TEX9: variants seen among roughly 807,000 people sequenced by gnomAD.
TEX9 encodes the protein testis expressed 9.
In TEX9, 74 loss-of-function variants were observed where a neutral mutation model predicts 59.6. The ratio of observed to expected loss-of-function variants is 1.24; its 90% CI spans 1.03 to 1.51. The LOEUF is 1.51. TEX9 is among the 40% of genes most tolerant of loss of function. The pLI is 0.00. For synonymous variants in TEX9, 186 were observed against 152.2 expected (o/e 1.22, Z -1.64); for missense variants, 522 against 447.8 (o/e 1.17, Z -1.49).
chr15:56,267,974 T>C (rs530598664), intron 1 of TEX9, among the ~76,000 whole-genome samples: 2 of 152,354 alleles, frequency 1.3e-5, no homozygotes, highest in African/African-American at 4.8e-5. Flanking sequence ...GAAATGTTCT[T>C]CCATTTGTTT....
intron 7 of TEX9, among the ~76,000 whole-genome samples, chr15:56,392,651 G>A (rs1184686927): frequency 6.8e-6 from 1 of 146,168 alleles, no homozygotes; most frequent in Non-Finnish European, 1.5e-5. Context: ...TAATTATTGT[G>A]TTACTAATCA....
At chr15:56,421,222 G>A (rs546786741) in intron 10 of TEX9, among the ~76,000 whole-genome samples, 1 of 151,912 alleles carries the variant, frequency 6.6e-6, no homozygotes, top group Non-Finnish European at 1.5e-5. Context: ...TTGAGACTTG[G>A]TTATTAGCTA....
At chr15:56,283,453 A>C (rs1438247938) in intron 1 of TEX9, among the ~76,000 whole-genome samples, 1 of 152,182 alleles carries the variant, frequency 6.6e-6, no homozygotes, top group Non-Finnish European at 1.5e-5. Flanking sequence ...TCCTGAAATA[A>C]ATTTGAATAT....
At chr15:56,408,329 A>G (rs2140109026) in intron 9 of TEX9, among the ~76,000 whole-genome samples, 1 of 152,306 alleles carries the variant, frequency 6.6e-6, no homozygotes, top group East Asian at 1.9e-4. Flanking sequence ...TCTCAGCAAT[A>G]TTTGAAATAG....
chr15:56,443,017 C>T (rs1178028520), intron 12 of TEX9, among the ~76,000 whole-genome samples: 2 of 152,164 alleles, frequency 1.3e-5, no homozygotes, highest in East Asian at 1.9e-4. Flanking sequence ...TAGGTTCACA[C>T]GCCTTTAGGA....
intron 1 of TEX9, among the ~76,000 whole-genome samples, chr15:56,291,267 A>G (rs543323858): frequency 2.1e-4 from 32 of 152,326 alleles, no homozygotes; most frequent in African/African-American, 7.7e-4. Context: ...ATTGACCTTC[A>G]TTATGACCAT....
exon 7 of TEX9, chr15:56,391,321 A>G: frequency 3.7e-6 from 6 of 1,606,394 alleles, no homozygotes; most frequent in Non-Finnish European, 5.1e-6. Context: ...TTTCCCTTGC[A>G]AAAACAATTA....
intron 1 of TEX9, among the ~76,000 whole-genome samples, chr15:56,286,547 C>T (rs1453647848): frequency 6.6e-6 from 1 of 152,156 alleles, no homozygotes; most frequent in Non-Finnish European, 1.5e-5. Context: ...CAGCAGAGCA[C>T]ATCTAGAATT....
intron 3 of TEX9, among the ~76,000 whole-genome samples, chr15:56,377,437 G>A (rs1426056795): frequency 6.6e-6 from 1 of 152,026 alleles, no homozygotes; most frequent in Admixed American, 6.6e-5. Context: ...TTGCATTGAT[G>A]TTTTATAGTT....
chr15:56,252,176 A>G (rs1039927674), intron 1 of TEX9, among the ~76,000 whole-genome samples: 3 of 152,014 alleles, frequency 2.0e-5, no homozygotes, highest in Non-Finnish European at 4.4e-5. Context: ...GCCTTATGTC[A>G]TACTATCTCA....
At chr15:56,276,112 G>A (rs749729939) in intron 1 of TEX9, among the ~76,000 whole-genome samples, 1 of 151,092 alleles carries the variant, frequency 6.6e-6, no homozygotes, top group South Asian at 2.1e-4. Context: ...TCTTGGGTGT[G>A]GTCTCCTTTG....
chr15:56,455,748 G>A, the TEX9 span, among the ~76,000 whole-genome samples: 1 of 151,994 alleles, frequency 6.6e-6, no homozygotes, highest in Non-Finnish European at 1.5e-5. Context: ...GGAAGTATGG[G>A]GGCAATTAAG....
At chr15:56,452,484 T>C in the TEX9 span, among the ~76,000 whole-genome samples, 1 of 151,966 alleles carries the variant, frequency 6.6e-6, no homozygotes, top group Non-Finnish European at 1.5e-5. Flanking sequence ...AGAAAATGGG[T>C]ATTCAGTATA....
intron 3 of TEX9, among the ~76,000 whole-genome samples, chr15:56,382,282 A>C (rs528209419): frequency 3.9e-5 from 6 of 152,280 alleles, no homozygotes; most frequent in African/African-American, 1.4e-4. Context: ...GCCCTGGGCA[A>C]GTCTAGAAAT....
At chr15:56,299,823 C>T (rs8025459) in intron 1 of TEX9, among the ~76,000 whole-genome samples, 1 of 152,016 alleles carries the variant, frequency 6.6e-6, no homozygotes, top group African/African-American at 2.4e-5. Flanking sequence ...AAGGAAAGGA[C>T]CCAGTTCTGG....
intron 1 of TEX9, among the ~76,000 whole-genome samples, chr15:56,344,213 A>C (rs190146473): frequency 6.6e-6 from 1 of 152,344 alleles, no homozygotes. Flanking sequence ...TAAAGCTTGC[A>C]CATGAATGTT....
chr15:56,426,842 T>G (rs1401232696), intron 10 of TEX9, among the ~76,000 whole-genome samples: 1 of 151,638 alleles, frequency 6.6e-6, no homozygotes, highest in African/African-American at 2.4e-5. Context: ...TTGCCCAAAT[T>G]GCTAAAGAGC....
chr15:56,441,594 A>C (rs1300068269), intron 12 of TEX9, among the ~76,000 whole-genome samples: 1 of 152,238 alleles, frequency 6.6e-6, no homozygotes, highest in Non-Finnish European at 1.5e-5. Flanking sequence ...CTTCACAGGA[A>C]ATGAAGTTAT....
intron 12 of TEX9, chr15:56,431,353 T>C (rs775420383): frequency 3.1e-6 from 5 of 1,607,712 alleles, no homozygotes; most frequent in South Asian, 2.2e-5. Context: ...AGATTACAAC[T>C]TGAGATAAAT....
Sources: gnomAD v4.1 joint callset for allele counts (sites outside exome capture counted in the v4.1 genomes callset) on GRCh38, gnomAD v4.1.1 for gene constraint, MANE v1.5 for transcripts, NCBI Gene and HGNC (gene_info 2026-07-23, HGNC 2026-07-21) for gene names.